RNF144A: variants seen among roughly 807,000 people sequenced by gnomAD.
RNF144A encodes E3 ubiquitin-protein ligase RNF144A.
RNF144A carries 11 observed loss-of-function variants against 38.7 expected under a neutral mutation model. That is an observed-to-expected ratio of 0.28 (90% CI 0.18 to 0.47). The LOEUF (loss-of-function observed/expected upper bound fraction) is 0.47, where lower values mean the gene tolerates loss of function less well. Among genes scored for constraint, RNF144A ranks in the 20% least tolerant of loss-of-function variants. The probability of loss-of-function intolerance (pLI) is 0.99; values close to 1 mark genes in which losing one functional copy is unlikely to be tolerated. For synonymous variants in RNF144A, 149 were observed against 143.9 expected (o/e 1.04, Z -0.25); for missense variants, 316 against 377.2 (o/e 0.84, Z 1.34).
At chr2:7,029,978 T>G in intron 7 of RNF144A, 148 bp from the exon 8 acceptor site, 1 of 626,978 alleles carries the variant, frequency 1.6e-6, no homozygotes, top group Non-Finnish European at 2.9e-6. Context: ...TGGCCAGGTG[T>G]TCCCGGATGC....
At position 7,041,501 on chromosome 2, in the gene RNF144A, G is replaced by A. The variant is rs1376319187; in HGVS notation, c.*1741G>A. The A allele has an allele frequency of 1.2e-5, 12 of 985,838 alleles. No homozygotes were observed. Among genetic ancestry groups the A allele is most frequent in the Admixed American group, 6.1e-5 (1 of 16,262 alleles). 61.1% of individuals were successfully genotyped at this position (985,838 alleles called of 1,614,324 possible). A position where few individuals can be genotyped will look rare whatever the true frequency, so the allele number is the denominator to read the frequency against. ...AGTAACTCAGTAAGAACATGCCTGCGACTCCCTTTCTGGATGGAACCTGGG... is the reference window on the plus strand; with the variant it reads ...AGTAACTCAGTAAGAACATGCCTGCAACTCCCTTTCTGGATGGAACCTGGG... On this transcript the variant is annotated 3_prime_UTR_variant, in exon 9 of 9. Coordinates refer to ENST00000320892, the MANE Select transcript of RNF144A (RefSeq NM_014746.6).
At position 7,043,744 on chromosome 2, in the gene RNF144A, T is replaced by C; in HGVS notation, c.*3984T>C. 1.0e-6 allele frequency: 1 copy of C among 985,862 alleles called. No individual in the cohort carries two copies. The highest frequency in any genetic ancestry group is 1.2e-6 in the Non-Finnish European group (1 of 829,920). 61.1% of individuals were successfully genotyped at this position (985,862 alleles called of 1,614,324 possible). A position where few individuals can be genotyped will look rare whatever the true frequency, so the allele number is the denominator to read the frequency against. On this transcript the variant is annotated 3_prime_UTR_variant, in exon 9 of 9. Transcript: ENST00000320892. ...CCAGGGTCTCCACCCTTCCTTTGAT[T>C]TGTGCAATTCTGTCTTCCACAGTTC...
chr2:6,924,287 G>A (rs1558352894), intron 1 of RNF144A, among the ~76,000 whole-genome samples: 1 of 152,230 alleles, frequency 6.6e-6, no homozygotes, highest in East Asian at 1.9e-4. Context: ...CGAGACTTCC[G>A]TGGCCGTGTT....
At chr2:6,975,882 C>T (rs1197130692) in intron 2 of RNF144A, among the ~76,000 whole-genome samples, 7 of 152,202 alleles carry the variant, frequency 4.6e-5, no homozygotes, top group Non-Finnish European at 4.4e-5. Flanking sequence ...CAAATAAGTA[C>T]ACAAAGTTTA....
At chr2:6,974,111 C>G (rs1668160346) in intron 2 of RNF144A, among the ~76,000 whole-genome samples, 1 of 152,194 alleles carries the variant, frequency 6.6e-6, no homozygotes, top group Non-Finnish European at 1.5e-5. Flanking sequence ...CCAGCCCCAC[C>G]TAGTTCGCAG....
rs578204089 is a variant in RNF144A at position 7,042,986 on chromosome 2, G to A, written c.*3226G>A. 10 of 546,578 alleles carry A rather than the reference G, an allele frequency of 1.8e-5. No homozygotes were observed. In the South Asian group the frequency reaches 8.1e-4, roughly 44 times the overall value. 33.9% of individuals were successfully genotyped at this position (546,578 alleles called of 1,614,324 possible). ...GGGTTCAAGCGATTCTCCTGCCTCAGCCTCCCAAGTAGCTGGGATTACAGG... is the reference window on the plus strand; with the variant it reads ...GGGTTCAAGCGATTCTCCTGCCTCAACCTCCCAAGTAGCTGGGATTACAGG... On this transcript the variant is annotated 3_prime_UTR_variant, in exon 9 of 9. Transcript: ENST00000320892.
At chr2:7,049,287 G>A (rs1673426897) in intron 6 of RNF144A, among the ~76,000 whole-genome samples, 1 of 152,226 alleles carries the variant, frequency 6.6e-6, no homozygotes, top group Non-Finnish European at 1.5e-5. Context: ...AGCACAGTCA[G>A]TGCTCAACAA....
chr2:7,024,420 G>C lies in RNF144A; in HGVS notation c.561G>C (p.Lys187Asn), dbSNP rs772889501. The change falls in exon 7 of 9, where the codon AAG becomes AAC. Residue 187 changes from lysine (K) to asparagine (N), a missense_variant. Physicochemically the swap from Lys to Asn is moderately conservative, Grantham distance 94. Coordinates refer to ENST00000320892, the MANE Select transcript of RNF144A (RefSeq NM_014746.6). The part of the protein sequence containing the change: ...EDDAPIKRCP[K>N]CKVYIERDEG... ...ACGCGCCCATCAAGCGCTGCCCCAA[G>C]TGCAAAGTCTACATCGAGCGAGACG... 3 of 1,612,560 alleles carry C rather than the reference G, an allele frequency of 1.9e-6. No homozygotes were observed. The highest frequency in any genetic ancestry group is 3.3e-4 in the Middle Eastern group (2 of 6,082).
At chr2:6,995,065 C>G (rs573858734) in intron 2 of RNF144A, among the ~76,000 whole-genome samples, 1 of 152,186 alleles carries the variant, frequency 6.6e-6, no homozygotes, top group Non-Finnish European at 1.5e-5. Flanking sequence ...GTAGAATTCT[C>G]CCTCCATGTG....
chr2:6,980,620 C>T (rs571796333), intron 2 of RNF144A, among the ~76,000 whole-genome samples: 12 of 152,330 alleles, frequency 7.9e-5, no homozygotes, highest in South Asian at 4.1e-4. Context: ...AGGGTACAGC[C>T]GCTGCAGCTG....
In RNF144A at chr2:7,044,121, C is replaced by CTAA; in HGVS notation, c.*4362_*4363insAAT. The CTAA allele has an allele frequency of 2.0e-6, 2 of 985,822 alleles. No individual in the cohort carries two copies. The highest frequency in any genetic ancestry group is 1.1e-4 in the East Asian group (1 of 8,822). The allele number at this position is 985,822 out of a possible 1,614,324, so 61.1% of individuals were successfully genotyped here. A position where few individuals can be genotyped will look rare whatever the true frequency, so the allele number is the denominator to read the frequency against. ...TGTGTCTTACGTAGTTTGTCCCCCCCTTTAGCAGGGATTCCTTTTTAAAGC... is the reference window on the plus strand; with the variant it reads ...TGTGTCTTACGTAGTTTGTCCCCCCCTAATTTAGCAGGGATTCCTTTTTAAAGC... On this transcript the variant is annotated 3_prime_UTR_variant, in exon 9 of 9. Transcript: ENST00000320892.
chr2:7,059,445 G>A (rs189458960), intron 6 of RNF144A, among the ~76,000 whole-genome samples: 14 of 152,266 alleles, frequency 9.2e-5, no homozygotes, highest in Non-Finnish European at 1.6e-4. Flanking sequence ...GCCATGCCCC[G>A]TGTTCCCCTC....
chr2:6,962,832 G>A lies in RNF144A; in HGVS notation c.-12+21685G>A, dbSNP rs184740402. Among the ~76,000 whole-genome samples, 1 of 152,288 alleles carries A rather than the reference G, an allele frequency of 6.6e-6. No individual in the cohort carries two copies. The highest frequency in any genetic ancestry group is 1.9e-4 in the East Asian group (1 of 5,172). On this transcript the variant is annotated intron_variant, in intron 2 of 8. Transcript: ENST00000320892. The surrounding 1 kb of genome is among the most constrained non-coding windows in gnomAD (Gnocchi z 4.1). ...ACAGAAGGTCCTCAGTTAATGACTGGCCCAGCCTTGCTGGTCTCCATGGTT... is the reference window on the plus strand; with the variant it reads ...ACAGAAGGTCCTCAGTTAATGACTGACCCAGCCTTGCTGGTCTCCATGGTT...
chr2:6,941,304 C>T lies in RNF144A; in HGVS notation c.-12+157C>T, dbSNP rs999768277. ...TAAAGGCAATTTTCTAGTAGGTTTCCCCGGAATGAATTTTAAGATAGTGTT... is the reference window on the plus strand; with the variant it reads ...TAAAGGCAATTTTCTAGTAGGTTTCTCCGGAATGAATTTTAAGATAGTGTT... On this transcript the variant is annotated intron_variant, in intron 2 of 8. Coordinates refer to ENST00000320892, the MANE Select transcript of RNF144A (RefSeq NM_014746.6). This position sits in a 1 kb window ranked among gnomAD's most constrained non-coding sequence, Gnocchi z 6.5. 9.2e-5 allele frequency among the ~76,000 whole-genome samples: 14 copies of T among 152,232 alleles called. No homozygotes were observed. Among genetic ancestry groups the T allele is most frequent in the Middle Eastern group, 3.4e-3 (1 of 294 alleles).
chr2:6,929,416 G>A (rs1163217315), intron 1 of RNF144A, among the ~76,000 whole-genome samples: 1 of 152,132 alleles, frequency 6.6e-6, no homozygotes, highest in Non-Finnish European at 1.5e-5. Context: ...GCTAAGCCGT[G>A]GGTGTTACTC....
chr2:6,967,713 G>T (rs1667756959), intron 2 of RNF144A, among the ~76,000 whole-genome samples: 1 of 152,098 alleles, frequency 6.6e-6, no homozygotes, highest in Admixed American at 6.5e-5. Flanking sequence ...TGTTTCCTTG[G>T]CTCAAGAAAC....
chr2:6,995,568 G>A (rs1040010556), intron 2 of RNF144A, among the ~76,000 whole-genome samples: 2 of 152,158 alleles, frequency 1.3e-5, no homozygotes, highest in Admixed American at 6.5e-5. Flanking sequence ...GTCTGTGGTC[G>A]AAGGGCCAGG....
At chr2:7,052,452 A>G (rs1673567969) in intron 6 of RNF144A, among the ~76,000 whole-genome samples, 1 of 152,240 alleles carries the variant, frequency 6.6e-6, no homozygotes, top group African/African-American at 2.4e-5. Context: ...AAGCCAGAAT[A>G]TGAGCTGTCC....
intron 6 of RNF144A, 39 bp downstream of exon 6, chr2:7,020,719 G>A (rs1671470700): frequency 1.9e-6 from 3 of 1,571,834 alleles, no homozygotes; most frequent in South Asian, 1.1e-5. Flanking sequence ...AGGCATGGCT[G>A]TGGGCCAGGA....
Sources: allele counts gnomAD v4.1 joint callset (sites outside exome capture counted in the v4.1 genomes callset), GRCh38; gene constraint gnomAD v4.1.1; non-coding constraint Gnocchi (gnomAD v3.1); transcripts MANE v1.5; gene names NCBI Gene and HGNC (gene_info 2026-07-23, HGNC 2026-07-21).